The following GMDS variants were observed in gnomAD, a reference collection of about 807,000 sequenced individuals.
The protein encoded by GMDS is GDP-mannose 4,6 dehydratase.
A neutral mutation model predicts 49.9 loss-of-function variants in GMDS; 20 were observed. The ratio of observed to expected loss-of-function variants is 0.40; its 90% confidence interval spans 0.28 to 0.58. The LOEUF is 0.58. Ranked by LOEUF, GMDS falls within the 20% of genes least tolerant of loss-of-function variation. The probability of loss-of-function intolerance (pLI) is 0.42; values close to 1 mark genes in which losing one functional copy is unlikely to be tolerated. For synonymous variants in GMDS, 177 were observed against 178.6 expected, an observed-to-expected ratio of 0.99 and a Z score of 0.07; for missense variants, 362 against 481.4, an observed-to-expected ratio of 0.75 and a Z score of 2.32.
At chr6:1,826,097 GGTGA>G (rs1229861005) in intron 7 of GMDS, among the ~76,000 whole-genome samples, 2 of 152,258 alleles carry the variant, frequency 1.3e-5, no homozygotes, top group Non-Finnish European at 1.5e-5. Context: ...AGTTGCTCTG[GGTGA>G]GTGAGTGAGT....
chr6:1,697,163 T>G (rs980929422), intron 9 of GMDS, among the ~76,000 whole-genome samples: 1 of 152,204 alleles, frequency 6.6e-6, no homozygotes. Context: ...GATTCCTACG[T>G]ATGCCTCCTG....
At chr6:1,858,499 A>T (rs952655397) in intron 7 of GMDS, among the ~76,000 whole-genome samples, 1 of 151,748 alleles carries the variant, frequency 6.6e-6, no homozygotes, top group South Asian at 2.1e-4. Context: ...TTTCCATTTC[A>T]TTTTTTTCTA....
intron 7 of GMDS, among the ~76,000 whole-genome samples, chr6:1,929,362 C>T (rs3800140): frequency 6.6e-6 from 1 of 152,140 alleles, no homozygotes; most frequent in Admixed American, 6.5e-5. Context: ...TCATGTCTGA[C>T]CACAGAACCA....
At chr6:1,910,815 T>C (rs754299388) in intron 7 of GMDS, among the ~76,000 whole-genome samples, 10 of 152,216 alleles carry the variant, frequency 6.6e-5, no homozygotes, top group Non-Finnish European at 1.2e-4. Context: ...AAACAAGTGG[T>C]GAGGCCAATG....
intron 9 of GMDS, among the ~76,000 whole-genome samples, chr6:1,655,054 C>T (rs1378750591): frequency 5.1e-5 from 5 of 97,148 alleles, no homozygotes; most frequent in African/African-American, 7.1e-5. Context: ...AGTGAGATAC[C>T]GTCTCAAAAA....
At chr6:2,121,180 G>T (rs554085453) in intron 2 of GMDS, among the ~76,000 whole-genome samples, 13 of 152,276 alleles carry the variant, frequency 8.5e-5, no homozygotes, top group African/African-American at 3.1e-4. Context: ...TTGCCACAGC[G>T]AGCTAACCAC....
chr6:2,155,020 T>C (rs550003170), intron 1 of GMDS, among the ~76,000 whole-genome samples: 1 of 152,218 alleles, frequency 6.6e-6, no homozygotes, highest in African/African-American at 2.4e-5. Context: ...GGCTGATAAC[T>C]CTTTCACAAC....
At chr6:2,079,995 C>CT (rs930302497) in intron 4 of GMDS, among the ~76,000 whole-genome samples, 3 of 152,008 alleles carry the variant, frequency 2.0e-5, no homozygotes, top group African/African-American at 7.2e-5. Context: ...TTCAATTATT[C>CT]TTTTTTATTC....
At chr6:2,210,913 G>C (rs1780034618) in intron 1 of GMDS, among the ~76,000 whole-genome samples, 1 of 152,164 alleles carries the variant, frequency 6.6e-6, no homozygotes, top group African/African-American at 2.4e-5. Flanking sequence ...CCCCCTTTCT[G>C]TTCTCGTGAT....
chr6:2,071,643 A>G (rs577166886), intron 4 of GMDS, among the ~76,000 whole-genome samples: 3 of 152,092 alleles, frequency 2.0e-5, no homozygotes, highest in Non-Finnish European at 4.4e-5. Context: ...TAACAACTGA[A>G]AAAGCTATGA....
At chr6:2,157,045 A>G (rs1223174701) in intron 1 of GMDS, among the ~76,000 whole-genome samples, 1 of 152,220 alleles carries the variant, frequency 6.6e-6, no homozygotes, top group African/African-American at 2.4e-5. Context: ...AGAGGAATTT[A>G]CCTTTTGTAA....
intron 7 of GMDS, among the ~76,000 whole-genome samples, chr6:1,787,920 G>A (rs74684441): frequency 0.033 from 4,973 of 152,280 alleles, 109 homozygotes; most frequent in Non-Finnish European, 0.051. Context: ...CCTGGTGCTG[G>A]AGGTGCGGCT....
chr6:1,655,392 T>C (rs555821847), intron 9 of GMDS, among the ~76,000 whole-genome samples: 7 of 152,290 alleles, frequency 4.6e-5, no homozygotes, highest in South Asian at 2.1e-4. Flanking sequence ...TGCACTGACA[T>C]GTATATATTC....
rs180723983 is a variant in GMDS at position 1,999,141 on chromosome 6, G to A, written c.346-38175C>T. Among the ~76,000 whole-genome samples the A allele has an allele frequency of 5.3e-3, 800 of 152,074 alleles. 9 individuals carry two copies. Among genetic ancestry groups the A allele is most frequent in the African/African-American group, 0.019 (781 of 41,476 alleles). Reference sequence around the variant, plus strand: ...AATCGAGACCAGCCTGGCCAACATGGTGAAACCCCGTCTCTACTAAAAATA... The same window carrying A: ...AATCGAGACCAGCCTGGCCAACATGATGAAACCCCGTCTCTACTAAAAATA... On this transcript the variant is annotated intron_variant, in intron 4 of 10. Transcript: ENST00000380815.
chr6:1,934,003 GT>G (rs1295513053), intron 6 of GMDS, among the ~76,000 whole-genome samples: 1 of 152,000 alleles, frequency 6.6e-6, no homozygotes, highest in African/African-American at 2.4e-5. Flanking sequence ...GAGTTTTATA[GT>G]TTTTCTTCTT....
chr6:1,776,066 G>A (rs749235762), intron 7 of GMDS, among the ~76,000 whole-genome samples: 17 of 152,066 alleles, frequency 1.1e-4, no homozygotes, highest in Non-Finnish European at 2.1e-4. Context: ...GGAATGACAC[G>A]GGCAGCCAGC....
At chr6:2,197,147 C>T (rs1779307322) in intron 1 of GMDS, among the ~76,000 whole-genome samples, 1 of 152,208 alleles carries the variant, frequency 6.6e-6, no homozygotes, top group East Asian at 1.9e-4. Flanking sequence ...AGCAAACTGA[C>T]ACATCCATTA....
chr6:2,038,058 T>TGGG (rs922038623), intron 4 of GMDS, among the ~76,000 whole-genome samples: 1 of 151,996 alleles, frequency 6.6e-6, no homozygotes, highest in Non-Finnish European at 1.5e-5. Flanking sequence ...TAAAGAGGGT[T>TGGG]GGGGGGGAGG....
intron 9 of GMDS, among the ~76,000 whole-genome samples, chr6:1,718,757 T>TTTTCATATATATACATATATATATA (rs1766263907): frequency 2.0e-5 from 3 of 149,954 alleles, no homozygotes; most frequent in African/African-American, 7.3e-5. Context: ...CAACCATGTA[T>TTTTCATATATATACATATATATATA]TTTCATATAT....
Sources: gnomAD v4.1 joint callset for allele counts (sites outside exome capture counted in the v4.1 genomes callset) on GRCh38, gnomAD v4.1.1 for gene constraint, MANE v1.5 for transcripts, NCBI Gene and HGNC (gene_info 2026-07-23, HGNC 2026-07-21) for gene names.